Variants in MFN2 observed in about 807,000 individuals in gnomAD.
MFN2 encodes the protein mitofusin 2, also known as mitofusin-2.
A neutral mutation model predicts 87.5 loss-of-function variants in MFN2; 43 were observed. The observed-to-expected ratio is 0.49, with a 90% CI of 0.38 to 0.63. The LOEUF is 0.63. Among genes scored for constraint, MFN2 ranks in the 30% least tolerant of loss-of-function variants. The pLI, the probability that MFN2 is intolerant of heterozygous loss-of-function variation, is 0.00. For synonymous variants in MFN2, 337 were observed against 359.9 expected (o/e 0.94, Z 0.72); for missense variants, 743 against 972.8 (o/e 0.76, Z 3.14).
chr1:11,999,882 CAGG>C (rs1639095969), intron 8 of MFN2, among the ~76,000 whole-genome samples: 2 of 151,786 alleles, frequency 1.3e-5, no homozygotes, highest in South Asian at 4.2e-4. Flanking sequence ...ATCACGAGGT[CAGG>C]AGATCGAGAC....
At chr1:12,006,476 G>C in intron 15 of MFN2, 62 bp from the exon 16 acceptor site, 1 of 1,602,522 alleles carries the variant, frequency 6.2e-7, no homozygotes. Context: ...GCAACACTGA[G>C]GGTTCACGTG....
chr1:11,981,751 T>C (rs1437136436), intron 1 of MFN2: 2 of 152,340 alleles, frequency 1.3e-5, no homozygotes, highest in Non-Finnish European at 2.9e-5. Flanking sequence ...AACCCGCACA[T>C]GGCGGAATAC....
In MFN2 at chr1:11,995,109, G is replaced by A. The variant is rs564110278; in HGVS notation, c.312-1047G>A. 3.3e-5 allele frequency among the ~76,000 whole-genome samples: 5 copies of A among 152,110 alleles called. No homozygotes were observed. The South Asian group carries it at 6.2e-4, about 19-fold the overall frequency. On this transcript the variant is annotated intron_variant, in intron 4 of 18. Transcript: ENST00000235329. ...ATTTAAAAATTAGCTGGGCGTGGTC[G>A]CAGCTATAGTCTATATATAGGTGGT...
chr1:12,000,506 A>C (rs2100836704), intron 8 of MFN2, among the ~76,000 whole-genome samples: 1 of 152,338 alleles, frequency 6.6e-6, no homozygotes, highest in Non-Finnish European at 1.5e-5. Context: ...GACACTAGGC[A>C]GTGTGACTTT....
At position 11,981,950 on chromosome 1, in the gene MFN2, C is replaced by G. The variant is rs1053095330; in HGVS notation, c.-149-20C>G. On this transcript the variant is annotated intron_variant, in intron 1 of 18. Coordinates refer to ENST00000235329, the MANE Select transcript of MFN2 (RefSeq NM_014874.4). ...TTTTTTTTGGACACCGGATCCATCT[C>G]CCTTTTCTTTTCTAATAAGTCAGGA... is the stretch of plus-strand genomic sequence containing the variant. 1 of 131,832 alleles carries G rather than the reference C, an allele frequency of 7.6e-6. No individual in the cohort carries two copies. The highest frequency in any genetic ancestry group is 1.6e-5 in the Non-Finnish European group (1 of 64,214). 8.2% of individuals were successfully genotyped at this position (131,832 alleles called of 1,614,324 possible).
chr1:11,983,753 A>C (rs1456037106), intron 2 of MFN2, among the ~76,000 whole-genome samples: 1 of 152,182 alleles, frequency 6.6e-6, no homozygotes, highest in Non-Finnish European at 1.5e-5. Context: ...TAAAAACCAG[A>C]AGTCTGTGAT....
intron 1 of MFN2, 61 bp downstream of exon 1, chr1:11,980,545 A>C (rs1645963368): frequency 7.5e-6 from 3 of 397,648 alleles, no homozygotes. Context: ...GCGAGTCCTG[A>C]GCAGCTCGGC....
chr1:11,988,084 T>TGTGTGTGTGTGTGTGTGTGTGTGTGTG (rs1553140706), intron 2 of MFN2, among the ~76,000 whole-genome samples: 2 of 144,230 alleles, frequency 1.4e-5, no homozygotes, highest in East Asian at 4.3e-4. Flanking sequence ...CCAATAGTTT[T>TGTGTGTGTGTGTGTGTGTGTGTGTGTG]TGTGTGTGTG....
At chr1:12,001,138 G>A (rs1639152039) in intron 8 of MFN2, among the ~76,000 whole-genome samples, 1 of 152,172 alleles carries the variant, frequency 6.6e-6, no homozygotes. Flanking sequence ...AGCCTCCTGA[G>A]TAGCTGGGAT....
intron 15 of MFN2, 29 bp downstream of exon 15, chr1:12,005,960 T>C: frequency 6.2e-7 from 1 of 1,603,162 alleles, no homozygotes; most frequent in South Asian, 1.1e-5. Context: ...CTCAAGGGCA[T>C]TGTGGGGGGT....
Position 12,011,526 on chromosome 1 carries a change from C to G in MFN2, c.2235C>G (p.Leu745=). Residue 745 remains leucine (L), a synonymous_variant, in exon 19 of 19, where the codon CTC becomes CTG. Transcript: ENST00000235329. The part of the protein sequence containing the change: ...RNKAGWLDSE[L]NMFTHQYLQP... The stretch of plus-strand genomic sequence containing the variant: ...AAGCCGGTTGGTTGGACAGTGAGCT[C>G]AACATGTTCACACACCAGTACCTGC... The G allele has an allele frequency of 6.2e-7, 1 of 1,614,172 alleles. No individual in the cohort carries two copies. The highest frequency in any genetic ancestry group is 2.2e-5 in the East Asian group (1 of 44,888).
chr1:11,984,440 T>TA (rs1638303902), intron 2 of MFN2, among the ~76,000 whole-genome samples: 1 of 152,234 alleles, frequency 6.6e-6, no homozygotes, highest in Non-Finnish European at 1.5e-5. Flanking sequence ...CTTTAGCTCT[T>TA]ACTGTAGTGA....
At chr1:12,008,437 C>A (rs1639527765) in intron 17 of MFN2, among the ~76,000 whole-genome samples, 1 of 142,996 alleles carries the variant, frequency 7.0e-6, no homozygotes. Flanking sequence ...CCCCCACCTC[C>A]CTCCCGGACG....
intron 18 of MFN2, among the ~76,000 whole-genome samples, chr1:12,010,984 C>T (rs1639667893): frequency 6.6e-6 from 1 of 152,156 alleles, no homozygotes; most frequent in Non-Finnish European, 1.5e-5. Flanking sequence ...CTCCAACCCT[C>T]ACCGGATCAC....
chr1:11,988,108 G>GTGTGTT lies in MFN2; in HGVS notation c.-4-1056_-4-1055insGTGTTT, dbSNP rs1357044628. 5.3e-5 allele frequency among the ~76,000 whole-genome samples: 8 copies of GTGTGTT among 151,338 alleles called. No homozygotes were observed. The East Asian group carries it at 1.2e-3, about 22-fold the overall frequency. On this transcript the variant is annotated intron_variant, in intron 2 of 18. Coordinates refer to ENST00000235329, the MANE Select transcript of MFN2 (RefSeq NM_014874.4). Reference sequence around the variant, plus strand: ...TTTGTGTGTGTGTGTGTGTGTGTGTGTTTTTCTTTGTTGAGACTTGGTCTG... The same window carrying GTGTGTT: ...TTTGTGTGTGTGTGTGTGTGTGTGTGTGTGTTTTTTTCTTTGTTGAGACTTGGTCTG...
At chr1:11,982,540 C>G (rs1646005521) in intron 2 of MFN2, 1 of 152,280 alleles carries the variant, frequency 6.6e-6, no homozygotes, top group Non-Finnish European at 1.5e-5. Context: ...AGCAGACGAT[C>G]CGTGGATCCA....
intron 5 of MFN2, 80 bp from the exon 6 acceptor site, chr1:11,997,217 T>C: frequency 6.3e-7 from 1 of 1,595,252 alleles, no homozygotes; most frequent in South Asian, 1.1e-5. Flanking sequence ...CCAGCCACTG[T>C]GCTGTGATGC....
At chr1:11,990,772 A>G (rs1557517248) in intron 3 of MFN2, among the ~76,000 whole-genome samples, 1 of 152,006 alleles carries the variant, frequency 6.6e-6, no homozygotes. Flanking sequence ...CATGCTTGAG[A>G]GCCAGCTTCC....
intron 3 of MFN2, among the ~76,000 whole-genome samples, chr1:11,989,721 A>G (rs1227847618): frequency 6.6e-6 from 1 of 152,196 alleles, no homozygotes; most frequent in Non-Finnish European, 1.5e-5. Flanking sequence ...TCCTTTGCCT[A>G]GTTCTGGCTG....
Sources: allele counts gnomAD v4.1 joint callset (sites outside exome capture counted in the v4.1 genomes callset), GRCh38; gene constraint gnomAD v4.1.1; transcripts MANE v1.5; gene names NCBI Gene and HGNC (gene_info 2026-07-23, HGNC 2026-07-21).